The following ADAMTS3 variants were observed in gnomAD, a reference collection of about 807,000 sequenced individuals.
ADAMTS3 encodes the protein ADAM metallopeptidase with thrombospondin type 1 motif 3.
ADAMTS3 carries 73 observed loss-of-function variants against 129.0 expected under a neutral mutation model. The observed-to-expected ratio is 0.57, with a 90% confidence interval of 0.47 to 0.69. ADAMTS3 has a LOEUF of 0.69. ADAMTS3 is among the 30% of genes least tolerant of loss of function. The pLI, the probability that ADAMTS3 is intolerant of heterozygous loss-of-function variation, is 0.00. For synonymous variants in ADAMTS3, 477 were observed against 510.8 expected (o/e 0.93, Z 0.89); for missense variants, 1,457 against 1,514.5 (o/e 0.96, Z 0.63).
chr4:72,488,966 C>T (rs563160097), intron 3 of ADAMTS3, among the ~76,000 whole-genome samples: 5 of 151,950 alleles, frequency 3.3e-5, no homozygotes, highest in South Asian at 2.1e-4. Flanking sequence ...AGCAATCTTC[C>T]TTCTACTCTC....
At chr4:72,375,924 A>C (rs1183818906) in intron 4 of ADAMTS3, among the ~76,000 whole-genome samples, 1 of 152,208 alleles carries the variant, frequency 6.6e-6, no homozygotes, top group African/African-American at 2.4e-5. Flanking sequence ...ATAAAATTCT[A>C]AAAGGAAAAA....
chr4:72,291,163 C>G, intron 19 of ADAMTS3, 101 bp from the exon 20 acceptor site: 1 of 1,254,508 alleles, frequency 8.0e-7, no homozygotes, highest in African/African-American at 1.5e-5. Flanking sequence ...AAGTGACTTG[C>G]AACCTAGTGG....
At chr4:72,431,742 T>C (rs561820045) in intron 3 of ADAMTS3, among the ~76,000 whole-genome samples, 1 of 151,988 alleles carries the variant, frequency 6.6e-6, no homozygotes, top group East Asian at 2.0e-4. Flanking sequence ...TAGTGATAAG[T>C]ATCATGAAGA....
intron 17 of ADAMTS3, 33 bp downstream of exon 17, chr4:72,303,884 C>A: frequency 6.2e-7 from 1 of 1,605,524 alleles, no homozygotes; most frequent in South Asian, 1.1e-5. Context: ...GTAAGCTGAG[C>A]TAACTATACC....
chr4:72,433,384 T>C lies in ADAMTS3; in HGVS notation c.505-18413A>G, dbSNP rs549014512. Among the ~76,000 whole-genome samples the C allele has an allele frequency of 2.0e-5, 3 of 151,986 alleles. No individual in the cohort carries two copies. In the South Asian group the frequency reaches 6.2e-4, roughly 32 times the overall value. On this transcript the variant is annotated intron_variant, in intron 3 of 21. Transcript: ENST00000286657. ...TTGTTCTGAGATGCATTATCAAATA[T>C]GTAACATTCTAAAGAAAGGAGAAGG...
intron 17 of ADAMTS3, among the ~76,000 whole-genome samples, chr4:72,302,596 C>A (rs1029894642): frequency 6.6e-6 from 1 of 151,978 alleles, no homozygotes; most frequent in Non-Finnish European, 1.5e-5. Context: ...AACTAGAACA[C>A]ATCATGGGAA....
chr4:72,388,431 C>G (rs1254594436), intron 4 of ADAMTS3, among the ~76,000 whole-genome samples: 1 of 152,152 alleles, frequency 6.6e-6, no homozygotes, highest in African/African-American at 2.4e-5. Context: ...GTGTGCTTCC[C>G]TACAATGCAA....
At chr4:72,471,285 T>C (rs1719065537) in intron 3 of ADAMTS3, among the ~76,000 whole-genome samples, 3 of 152,208 alleles carry the variant, frequency 2.0e-5, no homozygotes, top group Admixed American at 2.0e-4. Flanking sequence ...TCTGATTTAA[T>C]CTGTAGTTAT....
intron 4 of ADAMTS3, among the ~76,000 whole-genome samples, chr4:72,347,626 T>A (rs1720323663): frequency 6.6e-6 from 1 of 152,084 alleles, no homozygotes; most frequent in South Asian, 2.1e-4. Context: ...AGTTTTTAAT[T>A]TTCACATTTT....
chr4:72,321,108 G>A (rs6825893), intron 6 of ADAMTS3, among the ~76,000 whole-genome samples: 4,265 of 152,204 alleles, frequency 0.028, 189 homozygotes, highest in African/African-American at 0.097. Flanking sequence ...GAATGGTTTT[G>A]TTATATTTGA....
intron 3 of ADAMTS3, among the ~76,000 whole-genome samples, chr4:72,484,096 G>C (rs546041802): frequency 1.1e-4 from 17 of 152,136 alleles, no homozygotes; most frequent in African/African-American, 3.4e-4. Context: ...AACAGCCCTG[G>C]CTCCCTCCCT....
chr4:72,550,042 AGAGGAAGAG>A lies in ADAMTS3; in HGVS notation c.98-1167_98-1159del, dbSNP rs1721593003. On this transcript the variant is annotated intron_variant, in intron 2 of 21. Coordinates refer to ENST00000286657, the MANE Select transcript of ADAMTS3 (RefSeq NM_014243.3). ...AAGAAGAAGAAGAAGAAGAAGAAGA[AGAGGAAGAG>A]GAAGAGGAAGAGGAAGAGGAAGAGG... Among the ~76,000 whole-genome samples, 185 of 27,180 alleles carry A rather than the reference AGAGGAAGAG, an allele frequency of 6.8e-3. 40 individuals are homozygous for A. The highest frequency in any genetic ancestry group is 9.6e-3 in the East Asian group (7 of 728). 17.8% of individuals were successfully genotyped at this position (27,180 alleles called of 152,430 possible).
At chr4:72,392,330 T>C (rs1721616155) in intron 4 of ADAMTS3, among the ~76,000 whole-genome samples, 1 of 151,554 alleles carries the variant, frequency 6.6e-6, no homozygotes, top group Admixed American at 6.6e-5. Context: ...ACTGTAACTT[T>C]CCACAGCCTT....
At chr4:72,518,914 C>T (rs557868590) in intron 3 of ADAMTS3, among the ~76,000 whole-genome samples, 157 of 152,140 alleles carry the variant, frequency 1.0e-3, no homozygotes, top group African/African-American at 3.3e-3. Flanking sequence ...CATTAGTTGA[C>T]GCAGTTTCTT....
chr4:72,394,687 C>A (rs1440476747), intron 4 of ADAMTS3, among the ~76,000 whole-genome samples: 1 of 152,150 alleles, frequency 6.6e-6, no homozygotes, highest in Non-Finnish European at 1.5e-5. Flanking sequence ...AGAAGTCATA[C>A]TGAAGCATGT....
intron 1 of ADAMTS3, among the ~76,000 whole-genome samples, chr4:72,567,730 A>T (rs1173947874): frequency 6.6e-6 from 1 of 152,354 alleles, no homozygotes; most frequent in East Asian, 1.9e-4. Flanking sequence ...TTAACAGGCC[A>T]AAATACACCT....
chr4:72,534,370 C>T (rs1398968735), intron 3 of ADAMTS3, among the ~76,000 whole-genome samples: 1 of 151,808 alleles, frequency 6.6e-6, no homozygotes, highest in Non-Finnish European at 1.5e-5. Flanking sequence ...CCAGAAGGAA[C>T]CTCAAAAACT....
intron 4 of ADAMTS3, among the ~76,000 whole-genome samples, chr4:72,357,903 T>C (rs190414003): frequency 7.5e-4 from 114 of 152,088 alleles, no homozygotes; most frequent in African/African-American, 2.7e-3. Flanking sequence ...AGGATAGAAA[T>C]ATGACTTTGT....
intron 3 of ADAMTS3, among the ~76,000 whole-genome samples, chr4:72,479,724 C>G (rs1361890622): frequency 6.6e-6 from 1 of 152,076 alleles, no homozygotes; most frequent in African/African-American, 2.4e-5. Context: ...AGCTTCTGCA[C>G]AGCAAAAGAA....
Sources: allele counts gnomAD v4.1 joint callset (sites outside exome capture counted in the v4.1 genomes callset), GRCh38; gene constraint gnomAD v4.1.1; transcripts MANE v1.5; gene names NCBI Gene and HGNC (gene_info 2026-07-23, HGNC 2026-07-21).